The following SMARCA2 variants were observed in gnomAD, a reference collection of about 807,000 sequenced individuals.
The protein encoded by SMARCA2 is SWI/SNF related BAF chromatin remodeling complex subunit ATPase 2, also known as SWI/SNF-related matrix-associated actin-dependent regulator of chromatin subfamily A member 2.
A neutral mutation model predicts 199.8 loss-of-function variants in SMARCA2; 61 were observed. That is an observed-to-expected ratio of 0.31 (90% CI 0.25 to 0.38). The LOEUF (loss-of-function observed/expected upper bound fraction) is 0.38. SMARCA2 is among the 10% of genes least tolerant of loss of function. The pLI, the probability that SMARCA2 is intolerant of heterozygous loss-of-function variation, is 1.00. For missense variants in SMARCA2, 1,344 were observed against 2,012.2 expected (o/e 0.67, Z 6.35); for synonymous variants, 935 against 732.0 (o/e 1.28, Z -4.48).
intron 9 of SMARCA2, among the ~76,000 whole-genome samples, chr9:2,064,364 C>G (rs1180363667): frequency 2.0e-5 from 3 of 152,226 alleles, no homozygotes; most frequent in Non-Finnish European, 2.9e-5. Flanking sequence ...GGAATGTTGT[C>G]TACCCCATAG....
In SMARCA2 at chr9:2,050,625, A is replaced by ATT. The variant is rs34545845; in HGVS notation, c.1046+3155_1046+3156dup. 5.1e-3 allele frequency among the ~76,000 whole-genome samples: 737 copies of ATT among 143,638 alleles called. 8 individuals are homozygous for ATT. The highest frequency in any genetic ancestry group is 0.018 in the African/African-American group (714 of 39,610). The allele number at this position is 143,638 out of a possible 152,430, so 94.2% of individuals were successfully genotyped here. A position where few individuals can be genotyped will look rare whatever the true frequency, so the allele number is the denominator to read the frequency against. ...AGCAGGCATAGGCTGCTTACCTGTG[A>ATT]TTTTTTTTTTTTTTTGACCTGCCCT... On this transcript the variant is annotated intron_variant, in intron 5 of 33. Coordinates refer to ENST00000349721, the MANE Select transcript of SMARCA2 (RefSeq NM_003070.5).
At chr9:2,078,799 G>T (rs887879072) in intron 14 of SMARCA2, among the ~76,000 whole-genome samples, 2 of 152,028 alleles carry the variant, frequency 1.3e-5, no homozygotes, top group African/African-American at 4.8e-5. Context: ...AAAAAAATTA[G>T]CTGGGTGTGG....
intron 6 of SMARCA2, chr9:2,055,700 C>G (rs536031429): frequency 6.6e-6 from 1 of 152,110 alleles, no homozygotes; most frequent in South Asian, 2.1e-4. Context: ...CTACTTGGCT[C>G]TTGGTTTGTG....
intron 14 of SMARCA2, chr9:2,080,038 C>G (rs1821498813): frequency 6.6e-6 from 1 of 152,210 alleles, no homozygotes; most frequent in Non-Finnish European, 1.5e-5. Flanking sequence ...CTTGACTAGC[C>G]ATGTCCGCCT....
intron 27 of SMARCA2, chr9:2,160,604 C>A (rs1390728153): frequency 1.1e-5 from 8 of 702,158 alleles, no homozygotes; most frequent in Admixed American, 2.0e-5. Context: ...ATGTTTGGTG[C>A]TGTGGAGAAA....
chr9:2,176,170 C>G (rs192303665), intron 29 of SMARCA2, among the ~76,000 whole-genome samples: 2 of 138,846 alleles, frequency 1.4e-5, no homozygotes, highest in African/African-American at 3.2e-5. Flanking sequence ...CATGAGCCAC[C>G]GCGCCCGGCC....
intron 27 of SMARCA2, chr9:2,160,654 G>A (rs539360223): frequency 5.7e-5 from 40 of 698,794 alleles, no homozygotes; most frequent in Admixed American, 3.6e-4. Flanking sequence ...TTTCAGCTAC[G>A]AGAAAGGATT....
chr9:2,081,948 G>A lies in SMARCA2; in HGVS notation c.2301G>A (p.Met767Ile). Reference protein sequence around the residue: ...IQTIALITYLMEHKRLNGPYL... With the variant: ...IQTIALITYLIEHKRLNGPYL... Reference sequence around the variant, plus strand: ...CCATTGCACTCATCACTTATCTGATGGAGCACAAAAGACTCAATGGCCCCT... The same window carrying A: ...CCATTGCACTCATCACTTATCTGATAGAGCACAAAAGACTCAATGGCCCCT... Residue 767 changes from methionine (M) to isoleucine (I), a missense_variant, in exon 15 of 34, where the codon ATG (methionine) becomes ATA (isoleucine). Around this residue, in one of 18 missense-constraint regions of SMARCA2, gnomAD observed 50 missense variants for 81.6 expected, o/e 0.61. Transcript: ENST00000349721. 6.2e-7 allele frequency: 1 copy of A among 1,613,910 alleles called. No individual in the cohort carries two copies. Among genetic ancestry groups the A allele is most frequent in the Admixed American group, 1.7e-5 (1 of 60,016 alleles).
At chr9:2,065,883 C>T (rs552605968) in intron 9 of SMARCA2, among the ~76,000 whole-genome samples, 1 of 152,308 alleles carries the variant, frequency 6.6e-6, no homozygotes, top group Non-Finnish European at 1.5e-5. Flanking sequence ...AGTTGAGTGT[C>T]AAAATGGGGG....
rs1818380655 is a variant in SMARCA2 at position 2,016,986 on chromosome 9, A to G, written c.-37+1582A>G. 1 of 151,532 alleles carries G rather than the reference A, an allele frequency of 6.6e-6. No homozygotes were observed. Among genetic ancestry groups the G allele is most frequent in the Non-Finnish European group, 1.5e-5 (1 of 67,908 alleles). The allele number at this position is 151,532 out of a possible 1,614,324, so 9.4% of individuals were successfully genotyped here. A position where few individuals can be genotyped will look rare whatever the true frequency, so the allele number is the denominator to read the frequency against. Reference sequence around the variant, plus strand: ...GAGCACAGTGCTCCCGGTGCCCCGCACCAGGCCTCGCAGCCTGGGTGCAGT... The same window carrying G: ...GAGCACAGTGCTCCCGGTGCCCCGCGCCAGGCCTCGCAGCCTGGGTGCAGT... On this transcript the variant is annotated intron_variant, in intron 1 of 33. Transcript: ENST00000349721. The surrounding 1 kb of genome is among the most constrained non-coding windows in gnomAD (Gnocchi z 5.6).
intron 31 of SMARCA2, among the ~76,000 whole-genome samples, chr9:2,185,284 C>T (rs1326687917): frequency 3.9e-5 from 6 of 152,216 alleles, no homozygotes; most frequent in Non-Finnish European, 1.5e-5. Flanking sequence ...AGTTACTTGT[C>T]TTTTTGTGAC....
intron 9 of SMARCA2, among the ~76,000 whole-genome samples, chr9:2,062,136 T>C (rs1820621570): frequency 1.3e-5 from 2 of 152,340 alleles, no homozygotes; most frequent in South Asian, 4.1e-4. Flanking sequence ...ATAAATCATA[T>C]AAATGTAGTT....
Position 2,182,185 on chromosome 9 carries a change from G to A in SMARCA2, c.4404G>A (p.Glu1468=). 1 of 1,613,902 alleles carries A rather than the reference G, an allele frequency of 6.2e-7. No homozygotes were observed. The highest frequency in any genetic ancestry group is 8.5e-7 in the Non-Finnish European group (1 of 1,179,762). ...NHKYRSLGDL[E]KDVMLLCHNA... ...AGTACCGGAGCCTAGGCGACCTGGAGAAGGATGTCATGCTTCTCTGTCACA... is the reference window on the plus strand; with the variant it reads ...AGTACCGGAGCCTAGGCGACCTGGAAAAGGATGTCATGCTTCTCTGTCACA... Residue 1468 remains glutamate (E), a synonymous_variant, in exon 31 of 34, where the codon GAG becomes GAA. Coordinates refer to ENST00000349721, the MANE Select transcript of SMARCA2 (RefSeq NM_003070.5).
intron 27 of SMARCA2, among the ~76,000 whole-genome samples, chr9:2,135,105 A>C (rs1294049202): frequency 2.6e-5 from 4 of 152,232 alleles, no homozygotes; most frequent in Non-Finnish European, 5.9e-5. Flanking sequence ...ATTGAGTCCA[A>C]GTCTGAAGGA....
chr9:2,080,224 A>G (rs1048470772), intron 14 of SMARCA2: 2 of 152,180 alleles, frequency 1.3e-5, no homozygotes, highest in Non-Finnish European at 2.9e-5. Flanking sequence ...TAACCTTGAC[A>G]CGGCTGAGGT....
intron 28 of SMARCA2, among the ~76,000 whole-genome samples, chr9:2,166,162 T>C (rs1477556251): frequency 6.6e-6 from 1 of 152,238 alleles, no homozygotes; most frequent in Non-Finnish European, 1.5e-5. Flanking sequence ...CAGGACATTG[T>C]CCTTCAGGTA....
chr9:2,123,344 C>T lies in SMARCA2; in HGVS notation c.3763-375C>T, dbSNP rs1823547326. Among the ~76,000 whole-genome samples, 1 of 151,994 alleles carries T rather than the reference C, an allele frequency of 6.6e-6. No individual in the cohort carries two copies. Among genetic ancestry groups the T allele is most frequent in the Non-Finnish European group, 1.5e-5 (1 of 68,000 alleles). ...TTTTCTTTACTCAAAGAATAAGTTT[C>T]TTCCAGGGAAGCAATGAGTTGTATA... On this transcript the variant is annotated intron_variant, in intron 26 of 33. Transcript: ENST00000349721. This position sits in a 1 kb window ranked among gnomAD's most constrained non-coding sequence, Gnocchi z 4.1.
At chr9:2,111,588 C>T (rs987689092) in intron 24 of SMARCA2, among the ~76,000 whole-genome samples, 3 of 151,938 alleles carry the variant, frequency 2.0e-5, no homozygotes, top group Non-Finnish European at 4.4e-5. Context: ...CCTCGTTGAG[C>T]CCTGGTTTTC....
At chr9:2,149,454 AG>A (rs1313074683) in intron 27 of SMARCA2, among the ~76,000 whole-genome samples, 2 of 151,518 alleles carry the variant, frequency 1.3e-5, no homozygotes, top group Non-Finnish European at 3.0e-5. Flanking sequence ...CGGGAAGCAG[AG>A]GTTGCAGTGA....
Sources: gnomAD v4.1 joint callset for allele counts (sites outside exome capture counted in the v4.1 genomes callset) on GRCh38, gnomAD v4.1.1 for gene constraint, gnomAD v4.1.1 regional missense constraint, Gnocchi (gnomAD v3.1) non-coding constraint, MANE v1.5 for transcripts, NCBI Gene and HGNC (gene_info 2026-07-23, HGNC 2026-07-21) for gene names.